The following GRIA3 variants were observed in gnomAD, a reference collection of about 807,000 sequenced individuals.
The protein encoded by GRIA3 is glutamate receptor 3.
A neutral mutation model predicts 63.0 loss-of-function variants in GRIA3; 3 were observed. The observed-to-expected ratio is 0.05, with a 90% CI of 0.02 to 0.12. The LOEUF is 0.12. Among genes scored for constraint, GRIA3 ranks in the 10% least tolerant of loss-of-function variants. GRIA3 has a pLI of 1.00. For synonymous variants in GRIA3, 274 were observed against 257.9 expected, an observed-to-expected ratio of 1.06 and a Z score of -0.60; for missense variants, 347 against 700.9, an observed-to-expected ratio of 0.50 and a Z score of 5.70.
At position 123,389,108 on chromosome X, in the gene GRIA3, T is replaced by G. The variant is rs1013734851; in HGVS notation, c.751-5860T>G. Among the ~76,000 whole-genome samples, 3 of 112,363 alleles carry G rather than the reference T, an allele frequency of 2.7e-5. No homozygotes were observed. The Admixed American group carries it at 2.8e-4, about 11-fold the overall frequency. On this transcript the variant is annotated intron_variant, in intron 5 of 15. Coordinates refer to ENST00000620443, the MANE Select transcript of GRIA3 (RefSeq NM_007325.5). ...TTTGATATGATTTTGATATTCTAAA[T>G]TTTTTTGAGACTTGTTTTGTATCCT...
intron 3 of GRIA3, among the ~76,000 whole-genome samples, chrX:123,265,757 T>C (rs1225133083): frequency 1.8e-5 from 2 of 112,437 alleles, no homozygotes; most frequent in Admixed American, 9.4e-5. Flanking sequence ...ACCAGCCACA[T>C]TGGCTTTGGA....
chrX:123,278,460 G>A (rs2044567419), intron 3 of GRIA3, among the ~76,000 whole-genome samples: 1 of 111,806 alleles, frequency 8.9e-6, no homozygotes, highest in African/African-American at 3.3e-5. Context: ...GGTTTTTGTT[G>A]CCTGTACTTT....
At chrX:123,317,210 C>T (rs945207632) in intron 3 of GRIA3, among the ~76,000 whole-genome samples, 10 of 111,221 alleles carry the variant, frequency 9.0e-5, no homozygotes, top group African/African-American at 3.3e-4. Context: ...TGGGCCCCTC[C>T]CACAACACAG....
intron 2 of GRIA3, among the ~76,000 whole-genome samples, chrX:123,229,825 T>C (rs1457443336): frequency 1.8e-5 from 2 of 110,456 alleles, no homozygotes; most frequent in Admixed American, 9.5e-5. Context: ...TGTACTTATA[T>C]GGACCTGAAT....
chrX:123,478,964 G>A (rs1325507906), intron 13 of GRIA3, among the ~76,000 whole-genome samples: 2 of 112,840 alleles, frequency 1.8e-5, no homozygotes, highest in African/African-American at 6.4e-5. Flanking sequence ...ACAGGATAAA[G>A]GTCATTATTC....
Position 123,184,324 on chromosome X carries a change from G to C in GRIA3, c.-212G>C. ...CGAGAGAGAGCGAGCGAATAAGAGAGAGAGTAAGAGGGAGAGAGAAGAAGA... is the reference window on the plus strand; with the variant it reads ...CGAGAGAGAGCGAGCGAATAAGAGACAGAGTAAGAGGGAGAGAGAAGAAGA... On this transcript the variant is annotated 5_prime_UTR_variant, in exon 1 of 16. Transcript: ENST00000620443. 2.3e-6 allele frequency: 1 copy of C among 441,298 alleles called. No homozygotes were observed. Among genetic ancestry groups the C allele is most frequent in the Admixed American group, 3.7e-5 (1 of 26,706 alleles). The allele number at this position is 441,298 out of a possible 1,213,427, so 36.4% of individuals were successfully genotyped here.
intron 2 of GRIA3, among the ~76,000 whole-genome samples, chrX:123,192,780 G>A (rs960376872): frequency 2.7e-5 from 3 of 111,522 alleles, no homozygotes; most frequent in Non-Finnish European, 3.8e-5. Context: ...CCTATGAGGC[G>A]CAATTCAGGG....
chrX:123,407,730 G>A (rs1474995354), intron 10 of GRIA3, among the ~76,000 whole-genome samples: 4 of 84,610 alleles, frequency 4.7e-5, no homozygotes, highest in Non-Finnish European at 8.9e-5. Flanking sequence ...TATTCAAACT[G>A]TAACAGTGAT....
At chrX:123,263,535 C>T (rs186523673) in intron 3 of GRIA3, among the ~76,000 whole-genome samples, 98 of 112,148 alleles carry the variant, frequency 8.7e-4, no homozygotes, top group Non-Finnish European at 1.2e-3. Flanking sequence ...TCCTGGGCTA[C>T]ACTGAACTTT....
intron 4 of GRIA3, 65 bp from the exon 5 acceptor site, chrX:123,354,845 A>C: frequency 1.2e-6 from 1 of 800,591 alleles, no homozygotes. Context: ...TAGCCACCCC[A>C]CTGATTGTGC....
intron 12 of GRIA3, among the ~76,000 whole-genome samples, chrX:123,429,382 T>C (rs1031035457): frequency 2.7e-5 from 3 of 111,833 alleles, no homozygotes; most frequent in African/African-American, 9.7e-5. Flanking sequence ...AGAATTCTCA[T>C]TGATTCAAGA....
chrX:123,388,459 C>G (rs749878706), intron 5 of GRIA3, among the ~76,000 whole-genome samples: 1 of 111,639 alleles, frequency 9.0e-6, no homozygotes, highest in African/African-American at 3.2e-5. Flanking sequence ...GTTGCCCTGG[C>G]TGGTCTTGAA....
chrX:123,453,306 C>T (rs1416070366), intron 12 of GRIA3, among the ~76,000 whole-genome samples: 1 of 110,619 alleles, frequency 9.0e-6, no homozygotes, highest in Non-Finnish European at 1.9e-5. Context: ...AAACCAAACA[C>T]CACATGTTCT....
chrX:123,202,581 G>A (rs2147255146), intron 2 of GRIA3: 12 of 1,127,062 alleles, frequency 1.1e-5, no homozygotes, highest in Admixed American at 2.6e-5. Flanking sequence ...CCACCCTTCC[G>A]CTGAAGGAGA....
intron 11 of GRIA3, among the ~76,000 whole-genome samples, chrX:123,421,971 T>A (rs919743159): frequency 1.2e-4 from 13 of 111,692 alleles, no homozygotes; most frequent in Non-Finnish European, 2.4e-4. Flanking sequence ...CGAAGGATGA[T>A]GTGATGAAAT....
intron 13 of GRIA3, among the ~76,000 whole-genome samples, chrX:123,479,627 C>T (rs953166201): frequency 1.6e-4 from 18 of 112,195 alleles, no homozygotes; most frequent in African/African-American, 5.8e-4. Context: ...GAAACACTTC[C>T]CCTTCTGGGT....
At chrX:123,454,339 A>G (rs1210613026) in intron 12 of GRIA3, among the ~76,000 whole-genome samples, 1 of 111,649 alleles carries the variant, frequency 9.0e-6, no homozygotes, top group Non-Finnish European at 1.9e-5. Flanking sequence ...GGGGTAATAT[A>G]TAATAGTATA....
chrX:123,386,990 G>A (rs758104209), intron 5 of GRIA3, among the ~76,000 whole-genome samples: 131 of 110,907 alleles, frequency 1.2e-3, no homozygotes, highest in Non-Finnish European at 1.8e-3. Context: ...TCTATTTTCT[G>A]TGAAATATGA....
Position 123,185,887 on chromosome X carries a change from G to A in GRIA3, c.165G>A (p.Val55=). The change falls in exon 2 of 16, where the codon GTG becomes GTA. Residue 55 remains valine, a synonymous_variant. Coordinates refer to ENST00000620443, the MANE Select transcript of GRIA3 (RefSeq NM_007325.5). ...AGCACAGCGCTTTCCGCTTTGCCGT[G>A]CAGTTATACAACACCAACCAGAACA... ...VQEHSAFRFA[V]QLYNTNQNTT... 1 of 1,205,922 alleles carries A rather than the reference G, an allele frequency of 8.3e-7. No individual in the cohort carries two copies. The highest frequency in any genetic ancestry group is 1.1e-6 in the Non-Finnish European group (1 of 890,643).
Sources: gnomAD v4.1 joint callset for allele counts (sites outside exome capture counted in the v4.1 genomes callset) on GRCh38, gnomAD v4.1.1 for gene constraint, MANE v1.5 for transcripts, NCBI Gene and HGNC (gene_info 2026-07-23, HGNC 2026-07-21) for gene names.